The following PCDHA4 variants were observed in gnomAD, a reference collection of about 807,000 sequenced individuals.
PCDHA4 encodes protocadherin alpha 4, also known as protocadherin alpha-4.
PCDHA4 carries 49 observed loss-of-function variants against 61.4 expected under a neutral mutation model. That is an observed-to-expected ratio of 0.80 (90% CI 0.63 to 1.01). PCDHA4 has a LOEUF of 1.01. Ranked by LOEUF, PCDHA4 falls within the 50% of genes least tolerant of loss-of-function variation. PCDHA4 has a pLI of 0.00. For missense variants in PCDHA4, 1,254 were observed against 1,235.8 expected, an observed-to-expected ratio of 1.01 and a Z score of -0.22; for synonymous variants, 590 against 550.3, an observed-to-expected ratio of 1.07 and a Z score of -1.01.
intron 3 of PCDHA4, among the ~76,000 whole-genome samples, chr5:140,994,538 A>G (rs1554254218): frequency 1.8e-5 from 2 of 111,930 alleles, no homozygotes; most frequent in African/African-American, 9.1e-5. Context: ...CCCCATCTCT[A>G]CAAAAAAAAT....
At chr5:140,841,821 T>A in intron 1 of PCDHA4, 1 of 1,613,940 alleles carries the variant, frequency 6.2e-7, no homozygotes. Flanking sequence ...GCTAACTCCG[T>A]GTTAACCTAC....
intron 1 of PCDHA4, among the ~76,000 whole-genome samples, chr5:140,945,224 T>C (rs1563213002): frequency 6.6e-6 from 1 of 152,016 alleles, no homozygotes; most frequent in Non-Finnish European, 1.5e-5. Context: ...ATAAAAATAC[T>C]TAGGAATAAA....
chr5:140,993,906 C>T (rs1245923228), intron 3 of PCDHA4, among the ~76,000 whole-genome samples: 1 of 152,088 alleles, frequency 6.6e-6, no homozygotes, highest in Non-Finnish European at 1.5e-5. Flanking sequence ...AACAAAAATG[C>T]CTAGTGATGC....
chr5:140,842,503 C>A, intron 1 of PCDHA4: 1 of 1,613,836 alleles, frequency 6.2e-7, no homozygotes. Context: ...CCCATGTCCC[C>A]TTCAAGCTGG....
chr5:140,931,952 A>G (rs1159894265), intron 1 of PCDHA4, among the ~76,000 whole-genome samples: 2 of 151,970 alleles, frequency 1.3e-5, no homozygotes, highest in African/African-American at 4.8e-5. Flanking sequence ...AGTCTTACAG[A>G]ATCATGTTGA....
rs1398153775 is a variant in PCDHA4, at chr5:140,869,752, G to T, written c.2385+60180G>T. On this transcript the variant is annotated intron_variant, in intron 1 of 3. Coordinates refer to ENST00000530339, the MANE Select transcript of PCDHA4 (RefSeq NM_018907.4). ...TAATTTGCTGCTAACAGCTACAGAC[G>T]GGGGAAAACCAGAGCTTACTGGCAC... 12 of 1,613,018 alleles carry T rather than the reference G, an allele frequency of 7.4e-6. No homozygotes were observed. The highest frequency in any genetic ancestry group is 1.0e-5 in the Non-Finnish European group (12 of 1,179,744).
At chr5:140,878,747 A>G (rs1371286502) in intron 1 of PCDHA4, among the ~76,000 whole-genome samples, 1 of 152,186 alleles carries the variant, frequency 6.6e-6, no homozygotes, top group Non-Finnish European at 1.5e-5. Context: ...ACTTTCTTAC[A>G]TATCTTTAGT....
intron 1 of PCDHA4, among the ~76,000 whole-genome samples, chr5:140,962,845 C>G (rs2095712902): frequency 6.6e-6 from 1 of 152,172 alleles, no homozygotes; most frequent in African/African-American, 2.4e-5. Flanking sequence ...TATTATATAA[C>G]TTGTGCTCGG....
intron 1 of PCDHA4, among the ~76,000 whole-genome samples, chr5:140,818,703 T>C (rs2150102081): frequency 1.3e-5 from 2 of 152,262 alleles, no homozygotes; most frequent in Admixed American, 6.5e-5. Context: ...CTAGATGTGG[T>C]GGTGCACACC....
At chr5:140,876,278 C>A (rs1554168451) in intron 1 of PCDHA4, 1 of 1,614,030 alleles carries the variant, frequency 6.2e-7, no homozygotes, top group South Asian at 1.1e-5. Flanking sequence ...GCTTCCGATC[C>A]AGACGAAGGA....
chr5:140,811,375 A>G (rs1285698488), intron 1 of PCDHA4: 1 of 152,208 alleles, frequency 6.6e-6, no homozygotes, highest in Non-Finnish European at 1.5e-5. Flanking sequence ...TCCATGGTGT[A>G]TATGTGTCAC....
intron 1 of PCDHA4, among the ~76,000 whole-genome samples, chr5:140,923,219 C>T (rs557006469): frequency 1.3e-5 from 2 of 152,094 alleles, no homozygotes; most frequent in East Asian, 1.9e-4. Context: ...GTGAAAGGAT[C>T]GTTTGAGCCC....
chr5:140,884,512 G>T (rs782026771), intron 1 of PCDHA4: 1 of 1,614,202 alleles, frequency 6.2e-7, no homozygotes, highest in South Asian at 1.1e-5. Flanking sequence ...CAGGGAGTTG[G>T]TCGTACTCGC....
intron 1 of PCDHA4, among the ~76,000 whole-genome samples, chr5:140,943,778 G>A (rs1554215923): frequency 6.6e-6 from 1 of 152,242 alleles, no homozygotes; most frequent in African/African-American, 2.4e-5. Flanking sequence ...AAACTAGGAA[G>A]TGGTCCTTTA....
chr5:140,843,178 C>G, intron 1 of PCDHA4: 1 of 1,596,102 alleles, frequency 6.3e-7, no homozygotes, highest in Admixed American at 1.7e-5. Flanking sequence ...GCAGCCCTCG[C>G]ATCCCGTTCC....
At chr5:140,923,714 A>G (rs1396629400) in intron 1 of PCDHA4, among the ~76,000 whole-genome samples, 7 of 152,250 alleles carry the variant, frequency 4.6e-5, no homozygotes, top group African/African-American at 1.4e-4. Context: ...TACTTGAATA[A>G]GAATGCAATG....
chr5:140,857,483 T>G, intron 1 of PCDHA4: 1 of 1,598,450 alleles, frequency 6.3e-7, no homozygotes. Context: ...GGTGTCTGCG[T>G]GGGACGCGGA....
intron 1 of PCDHA4, chr5:140,834,199 G>A (rs1359433825): frequency 6.7e-6 from 4 of 595,280 alleles, no homozygotes; most frequent in African/African-American, 3.7e-5. Flanking sequence ...GCTCTTTACC[G>A]CAAATTCTTT....
At chr5:140,863,208 C>T in intron 1 of PCDHA4, 2 of 990,676 alleles carry the variant, frequency 2.0e-6, no homozygotes, top group Non-Finnish European at 3.1e-6. Context: ...TGGCGGAGAG[C>T]AGCCAAGCGA....
Sources: allele counts gnomAD v4.1 joint callset (sites outside exome capture counted in the v4.1 genomes callset), GRCh38; gene constraint gnomAD v4.1.1; transcripts MANE v1.5; gene names NCBI Gene and HGNC (gene_info 2026-07-23, HGNC 2026-07-21).